Variants in FOXJ3 observed in about 807,000 individuals in gnomAD.
FOXJ3 encodes the protein forkhead box protein J3.
A neutral mutation model predicts 76.1 loss-of-function variants in FOXJ3; 22 were observed. The ratio of observed to expected loss-of-function variants is 0.29; its 90% confidence interval spans 0.21 to 0.41. The LOEUF (loss-of-function observed/expected upper bound fraction) is 0.41, where lower values mean the gene tolerates loss of function less well. FOXJ3 is among the 10% of genes least tolerant of loss of function. The probability of loss-of-function intolerance (pLI) is 1.00; values close to 1 mark genes in which losing one functional copy is unlikely to be tolerated. For synonymous variants in FOXJ3, 269 were observed against 261.2 expected (o/e 1.03, Z -0.29); for missense variants, 613 against 762.1 (o/e 0.80, Z 2.30).
chr1:42,328,152 C>T (rs1428677301), intron 1 of FOXJ3, among the ~76,000 whole-genome samples: 1 of 152,104 alleles, frequency 6.6e-6, no homozygotes, highest in Non-Finnish European at 1.5e-5. Context: ...ATAAATTAGC[C>T]AGGTGTGGTG....
chr1:42,273,387 C>A (rs1446817950), intron 3 of FOXJ3, among the ~76,000 whole-genome samples: 1 of 152,042 alleles, frequency 6.6e-6, no homozygotes, highest in African/African-American at 2.4e-5. Context: ...ACGAAATCAG[C>A]TGAGGACCAG....
At chr1:42,259,755 C>A (rs1415727117) in intron 4 of FOXJ3, among the ~76,000 whole-genome samples, 4 of 152,196 alleles carry the variant, frequency 2.6e-5, no homozygotes, top group African/African-American at 9.6e-5. Flanking sequence ...ACTCTTGGAT[C>A]TCACGTTAGT....
intron 11 of FOXJ3, among the ~76,000 whole-genome samples, chr1:42,184,327 G>A (rs1439207251): frequency 1.3e-5 from 2 of 152,008 alleles, no homozygotes. Flanking sequence ...TTATGGCTTC[G>A]TAATTCTTAC....
intron 1 of FOXJ3, chr1:42,323,846 G>A (rs182640748): frequency 1.1e-3 from 245 of 216,038 alleles, no homozygotes; most frequent in Non-Finnish European, 1.8e-3. Context: ...AAAAGATGAC[G>A]TTAGATGCAT....
intron 2 of FOXJ3, among the ~76,000 whole-genome samples, chr1:42,279,839 T>TA (rs1652565223): frequency 6.6e-6 from 1 of 152,174 alleles, no homozygotes; most frequent in South Asian, 2.1e-4. Flanking sequence ...TCTTTTGACT[T>TA]AAAAGTCAAA....
intron 2 of FOXJ3, among the ~76,000 whole-genome samples, chr1:42,307,902 C>T (rs1570220267): frequency 6.6e-6 from 1 of 152,178 alleles, no homozygotes; most frequent in Non-Finnish European, 1.5e-5. Flanking sequence ...ACAATTCTAA[C>T]AGAGTCAGGT....
At chr1:42,237,299 C>T (rs1370534537) in intron 4 of FOXJ3, among the ~76,000 whole-genome samples, 2 of 151,548 alleles carry the variant, frequency 1.3e-5, no homozygotes, top group South Asian at 2.1e-4. Context: ...GGCTTGAACC[C>T]GGGAGGCGGT....
At chr1:42,220,404 A>C (rs1647158186) in intron 5 of FOXJ3, among the ~76,000 whole-genome samples, 1 of 152,194 alleles carries the variant, frequency 6.6e-6, no homozygotes, top group Admixed American at 6.5e-5. Flanking sequence ...GGGAAAAACA[A>C]AAACAAAGGG....
chr1:42,242,018 A>G (rs1649183768), intron 4 of FOXJ3, among the ~76,000 whole-genome samples: 1 of 151,968 alleles, frequency 6.6e-6, no homozygotes, highest in Admixed American at 6.5e-5. Flanking sequence ...GCCATTTACA[A>G]CTGAAGAAAT....
chr1:42,314,723 C>T (rs1344377991), intron 1 of FOXJ3, among the ~76,000 whole-genome samples: 1 of 152,180 alleles, frequency 6.6e-6, no homozygotes, highest in African/African-American at 2.4e-5. Flanking sequence ...AAGTCACGTT[C>T]TACAATATAG....
At chr1:42,301,598 TTCTCTAGAC>T (rs1654155217) in intron 2 of FOXJ3, among the ~76,000 whole-genome samples, 1 of 152,226 alleles carries the variant, frequency 6.6e-6, no homozygotes, top group African/African-American at 2.4e-5. Context: ...TTCTTCTCCT[TTCTCTAGAC>T]TAGTATTAAA....
chr1:42,256,528 C>T (rs1650598974), intron 4 of FOXJ3, among the ~76,000 whole-genome samples: 3 of 68,450 alleles, frequency 4.4e-5, no homozygotes, highest in South Asian at 4.0e-4. Context: ...GATGAAATAC[C>T]ACTTCACACC....
chr1:42,183,747 C>G (rs958450322), intron 11 of FOXJ3, among the ~76,000 whole-genome samples: 1 of 152,054 alleles, frequency 6.6e-6, no homozygotes, highest in African/African-American at 2.4e-5. Context: ...GTAAGGCATT[C>G]TGTATTTGGC....
At chr1:42,321,442 C>CAAAA (rs1239892770) in intron 1 of FOXJ3, among the ~76,000 whole-genome samples, 5 of 152,174 alleles carry the variant, frequency 3.3e-5, no homozygotes, top group Admixed American at 6.5e-5. Flanking sequence ...TGGACTGTTT[C>CAAAA]TAAGAAGACT....
chr1:42,311,604 CAA>C (rs1654812122), intron 1 of FOXJ3, among the ~76,000 whole-genome samples: 1 of 149,306 alleles, frequency 6.7e-6, no homozygotes, highest in Non-Finnish European at 1.5e-5. Flanking sequence ...TTGGACTTCA[CAA>C]AGATTTCATC....
intron 1 of FOXJ3, among the ~76,000 whole-genome samples, chr1:42,326,374 T>C (rs1295769662): frequency 6.6e-6 from 1 of 152,202 alleles, no homozygotes; most frequent in African/African-American, 2.4e-5. Flanking sequence ...AGAAAATATA[T>C]ACAGGTTCAA....
At chr1:42,311,525 C>A (rs968511797) in intron 1 of FOXJ3, among the ~76,000 whole-genome samples, 1 of 152,104 alleles carries the variant, frequency 6.6e-6, no homozygotes, top group Non-Finnish European at 1.5e-5. Flanking sequence ...AAGGTTCCAA[C>A]CCCCAAGTAA....
chr1:42,200,490 T>C (rs759181066), intron 6 of FOXJ3, among the ~76,000 whole-genome samples: 2 of 152,234 alleles, frequency 1.3e-5, no homozygotes, highest in African/African-American at 2.4e-5. Context: ...TCTTTTTTTC[T>C]CTTTTTGAGA....
rs1342942304 is a variant in FOXJ3, at chr1:42,177,100, C to T, written c.*2610G>A. 6.6e-6 allele frequency: 1 copy of T among 152,590 alleles called. No homozygotes were observed. The highest frequency in any genetic ancestry group is 1.5e-5 in the Non-Finnish European group (1 of 68,048). The allele number at this position is 152,590 out of a possible 1,614,324, so 9.5% of individuals were successfully genotyped here. On this transcript the variant is annotated 3_prime_UTR_variant, in exon 13 of 13. Transcript: ENST00000361346. ...TTGTTCTGCATTAGCAACTACCATACAAAATGGCCACTAGAGGGACTCTCT... is the reference window on the plus strand; with the variant it reads ...TTGTTCTGCATTAGCAACTACCATATAAAATGGCCACTAGAGGGACTCTCT...
Sources: allele counts gnomAD v4.1 joint callset (sites outside exome capture counted in the v4.1 genomes callset), GRCh38; gene constraint gnomAD v4.1.1; transcripts MANE v1.5; gene names NCBI Gene and HGNC (gene_info 2026-07-23, HGNC 2026-07-21).